COL11A1: variants seen among roughly 807,000 people sequenced by gnomAD.
COL11A1 encodes collagen alpha-1(XI) chain.
COL11A1 carries 74 observed loss-of-function variants against 265.2 expected under a neutral mutation model. That is an observed-to-expected ratio of 0.28 (90% CI 0.23 to 0.34). COL11A1 has a LOEUF of 0.34. Among genes scored for constraint, COL11A1 ranks in the 10% least tolerant of loss-of-function variants. COL11A1 has a pLI of 1.00. For synonymous variants in COL11A1, 816 were observed against 727.6 expected (o/e 1.12, Z -1.96); for missense variants, 2,165 against 2,263.6 (o/e 0.96, Z 0.88).
In COL11A1 at chr1:102,940,429, T is replaced by C; in HGVS notation, c.3282A>G (p.Glu1094=). The part of the protein sequence containing the change: ...GPAGEKGAPG[E]KGPQGPAGRD... ...TCCCTGCAGGCCCTTGGGGACCTTT[T>C]TCTCCCTGTATTGAATATCCAAAGA... The change falls in exon 43 of 67, where the codon GAA becomes GAG. Residue 1094 remains glutamate (E), a synonymous_variant. Coordinates refer to ENST00000370096, the MANE Select transcript of COL11A1 (RefSeq NM_001854.4). 1 of 1,612,628 alleles carries C rather than the reference T, an allele frequency of 6.2e-7. No individual in the cohort carries two copies. Among genetic ancestry groups the C allele is most frequent in the Non-Finnish European group, 8.5e-7 (1 of 1,178,862 alleles).
At chr1:102,974,278 G>A (rs1662255016) in intron 36 of COL11A1, among the ~76,000 whole-genome samples, 1 of 152,134 alleles carries the variant, frequency 6.6e-6, no homozygotes, top group Non-Finnish European at 1.5e-5. Flanking sequence ...TTATGAAGAT[G>A]CTTGATGAAC....
intron 46 of COL11A1, 45 bp from the exon 47 acceptor site, chr1:102,923,434 T>C (rs753612214): frequency 1.9e-5 from 24 of 1,261,088 alleles, no homozygotes; most frequent in South Asian, 2.9e-5. Context: ...CTGATGTCTT[T>C]AAAAAAAAAA....
At chr1:102,914,105 A>G (rs1366275541) in intron 52 of COL11A1, among the ~76,000 whole-genome samples, 2 of 152,198 alleles carry the variant, frequency 1.3e-5, no homozygotes, top group Non-Finnish European at 2.9e-5. Context: ...TTTACAACCC[A>G]TCAAAGTCTA....
chr1:103,021,128 T>A (rs1434768485), intron 9 of COL11A1, among the ~76,000 whole-genome samples: 2 of 150,766 alleles, frequency 1.3e-5, no homozygotes, highest in Non-Finnish European at 3.0e-5. Context: ...CAGGAAACAA[T>A]GGCAAAACCG....
chr1:102,896,171 G>T (rs1652399166), intron 57 of COL11A1, among the ~76,000 whole-genome samples: 1 of 150,028 alleles, frequency 6.7e-6, no homozygotes, highest in Non-Finnish European at 1.5e-5. Flanking sequence ...ACTGGATAGA[G>T]GCTAGCAATA....
chr1:102,941,796 T>C (rs1310182550), intron 42 of COL11A1, among the ~76,000 whole-genome samples: 1 of 152,200 alleles, frequency 6.6e-6, no homozygotes, highest in Non-Finnish European at 1.5e-5. Flanking sequence ...TTTGCCATTA[T>C]ATATGTATTT....
chr1:103,015,593 T>C (rs1400627807), intron 12 of COL11A1, 75 bp downstream of exon 12: 1 of 1,125,694 alleles, frequency 8.9e-7, no homozygotes, highest in South Asian at 1.4e-5. Flanking sequence ...TGCTCTTCAA[T>C]ATGGTTCAAC....
At chr1:102,984,618 A>G (rs1234216139) in intron 30 of COL11A1, among the ~76,000 whole-genome samples, 1 of 152,060 alleles carries the variant, frequency 6.6e-6, no homozygotes, top group Non-Finnish European at 1.5e-5. Context: ...TGATACAGTT[A>G]TTTCATTTAC....
In COL11A1 at chr1:102,897,313, A is replaced by G. The variant is rs141105847; in HGVS notation, c.4302+812T>C. ...ATTTGAATAAATTTTAAAATACCAT[A>G]TAGCAGGACTTAACTAATACTCACC... On this transcript the variant is annotated intron_variant, in intron 57 of 66. Coordinates refer to ENST00000370096, the MANE Select transcript of COL11A1 (RefSeq NM_001854.4). Among the ~76,000 whole-genome samples, 3 of 152,124 alleles carry G rather than the reference A, an allele frequency of 2.0e-5. No homozygotes were observed. The East Asian group carries it at 5.8e-4, about 29-fold the overall frequency.
intron 57 of COL11A1, among the ~76,000 whole-genome samples, chr1:102,896,794 G>T (rs145429562): frequency 6.6e-6 from 1 of 152,116 alleles, no homozygotes; most frequent in Non-Finnish European, 1.5e-5. Flanking sequence ...TCTGCAGAAA[G>T]GTCAAAATAT....
intron 4 of COL11A1, among the ~76,000 whole-genome samples, chr1:103,043,958 A>G (rs1260081192): frequency 6.6e-6 from 1 of 152,074 alleles, no homozygotes; most frequent in Non-Finnish European, 1.5e-5. Context: ...AGACCCTAAA[A>G]CTTCTGCTCA....
intron 28 of COL11A1, among the ~76,000 whole-genome samples, chr1:102,990,714 T>C (rs1461154476): frequency 6.6e-6 from 1 of 150,866 alleles, no homozygotes; most frequent in African/African-American, 2.4e-5. Flanking sequence ...TGCGGAGTAT[T>C]TTGAGGTTTT....
intron 54 of COL11A1, among the ~76,000 whole-genome samples, chr1:102,902,770 T>C (rs1425280662): frequency 1.3e-5 from 2 of 151,412 alleles, no homozygotes; most frequent in African/African-American, 4.8e-5. Flanking sequence ...TAAAAGAAAA[T>C]GTCTGAATTT....
At chr1:102,946,099 T>G (rs1028712464) in intron 42 of COL11A1, among the ~76,000 whole-genome samples, 4 of 132,938 alleles carry the variant, frequency 3.0e-5, no homozygotes, top group Non-Finnish European at 4.8e-5. Flanking sequence ...ACACCAGATG[T>G]TCTCACTCAT....
chr1:103,055,332 C>A (rs1670160984), intron 4 of COL11A1, among the ~76,000 whole-genome samples: 1 of 152,082 alleles, frequency 6.6e-6, no homozygotes, highest in African/African-American at 2.4e-5. Flanking sequence ...TACTCACATC[C>A]AACATTCTGC....
chr1:102,962,645 T>C lies in COL11A1; in HGVS notation c.3024+8A>G. 1 of 1,613,964 alleles carries C rather than the reference T, an allele frequency of 6.2e-7. No homozygotes were observed. Among genetic ancestry groups the C allele is most frequent in the Non-Finnish European group, 8.5e-7 (1 of 1,179,892 alleles). ...GGGCCAAAAAAAGTTTTCTGAAGCATGTTGTACCTTTGCACCTTCTTTTCC... is the reference window on the plus strand; with the variant it reads ...GGGCCAAAAAAAGTTTTCTGAAGCACGTTGTACCTTTGCACCTTCTTTTCC... On this transcript the variant is annotated splice_region_variant and intron_variant, in intron 39 of 66. Transcript: ENST00000370096.
chr1:103,004,775 G>A lies in COL11A1; in HGVS notation c.1846-114C>T, dbSNP rs1174127692. The A allele has an allele frequency of 4.5e-6, 4 of 898,068 alleles. 1 individual carries two copies. In the East Asian group the frequency reaches 1.1e-4, roughly 24 times the overall value. The allele number at this position is 898,068 out of a possible 1,614,324, so 55.6% of individuals were successfully genotyped here. ...AGGACATTTGGCAGGGAAAATATAT[G>A]CTTTATTTACCCTCCTCAAAAAATT... On this transcript the variant is annotated intron_variant, in intron 18 of 66. Transcript: ENST00000370096.
chr1:102,910,418 T>C (rs758520200), intron 54 of COL11A1, among the ~76,000 whole-genome samples: 1 of 152,112 alleles, frequency 6.6e-6, no homozygotes, highest in South Asian at 2.1e-4. Flanking sequence ...CTAGACTAGA[T>C]AGCACTTGCT....
chr1:103,054,817 C>T (rs1670113178), intron 4 of COL11A1, among the ~76,000 whole-genome samples: 1 of 152,078 alleles, frequency 6.6e-6, no homozygotes, highest in South Asian at 2.1e-4. Flanking sequence ...AGGAGAATCA[C>T]TTGAACATGG....
Sources: gnomAD v4.1 joint callset for allele counts (sites outside exome capture counted in the v4.1 genomes callset) on GRCh38, gnomAD v4.1.1 for gene constraint, MANE v1.5 for transcripts, NCBI Gene and HGNC (gene_info 2026-07-23, HGNC 2026-07-21) for gene names.